The following AUH variants were observed in gnomAD, a reference collection of about 807,000 sequenced individuals.
The protein encoded by AUH is methylglutaconyl-CoA hydratase, mitochondrial.
In AUH, 29 loss-of-function variants were observed where a neutral mutation model predicts 42.3. The observed-to-expected ratio is 0.69, with a 90% CI of 0.51 to 0.93. AUH has a LOEUF of 0.93. Ranked by LOEUF, AUH falls within the 40% of genes least tolerant of loss-of-function variation. The pLI is 0.00. For missense variants in AUH, 452 were observed against 438.1 expected, an observed-to-expected ratio of 1.03 and a Z score of -0.28; for synonymous variants, 174 against 166.4, an observed-to-expected ratio of 1.05 and a Z score of -0.35.
chr9:91,245,064 T>C (rs1252501056), intron 6 of AUH, among the ~76,000 whole-genome samples: 3 of 152,020 alleles, frequency 2.0e-5, no homozygotes, highest in Non-Finnish European at 2.9e-5. Context: ...CAACAATTAG[T>C]TGAATAACCA....
At chr9:91,303,316 T>C (rs562597766) in intron 4 of AUH, among the ~76,000 whole-genome samples, 1 of 152,174 alleles carries the variant, frequency 6.6e-6, no homozygotes, top group African/African-American at 2.4e-5. Context: ...TAAAGGAAAA[T>C]GTTAGTGTCA....
chr9:91,333,614 T>C (rs1460934470), intron 3 of AUH, among the ~76,000 whole-genome samples: 1 of 152,222 alleles, frequency 6.6e-6, no homozygotes, highest in Admixed American at 6.5e-5. Context: ...TATTTACTGC[T>C]AGAGTGAGGC....
chr9:91,334,572 T>G (rs1402572914), intron 3 of AUH, among the ~76,000 whole-genome samples: 2 of 106,728 alleles, frequency 1.9e-5, no homozygotes, highest in Admixed American at 8.5e-5. Flanking sequence ...CTTGCAGATG[T>G]AGACTGTGGG....
At chr9:91,345,200 T>C (rs999423713) in intron 3 of AUH, among the ~76,000 whole-genome samples, 11 of 151,584 alleles carry the variant, frequency 7.3e-5, no homozygotes, top group Non-Finnish European at 1.0e-4. Context: ...GAAAATGTAA[T>C]GGATATATAA....
At chr9:91,273,165 C>T (rs998555113) in intron 6 of AUH, among the ~76,000 whole-genome samples, 3 of 152,140 alleles carry the variant, frequency 2.0e-5, no homozygotes, top group African/African-American at 4.8e-5. Context: ...AAGCCACACC[C>T]GAGAGGCCCA....
intron 6 of AUH, among the ~76,000 whole-genome samples, chr9:91,258,675 T>G (rs1385642360): frequency 1.3e-5 from 2 of 152,238 alleles, no homozygotes; most frequent in African/African-American, 4.8e-5. Flanking sequence ...CATCACTAAA[T>G]ATGCTAACTG....
chr9:91,256,096 T>G (rs916718973), intron 6 of AUH, among the ~76,000 whole-genome samples: 1 of 152,146 alleles, frequency 6.6e-6, no homozygotes, highest in Non-Finnish European at 1.5e-5. Context: ...ATGGAAGTAC[T>G]TGAAATTGCT....
At chr9:91,217,753 C>A (rs1826907559) in intron 7 of AUH, among the ~76,000 whole-genome samples, 1 of 152,198 alleles carries the variant, frequency 6.6e-6, no homozygotes. Context: ...GTTCTGATAT[C>A]ATCTCCTTCA....
Position 91,246,971 on chromosome 9 carries a change from T to C in AUH, c.656-25979A>G, listed in dbSNP as rs115859766. Among the ~76,000 whole-genome samples, 684 of 152,296 alleles carry C rather than the reference T, an allele frequency of 4.5e-3. 5 individuals carry two copies. Among genetic ancestry groups the C allele is most frequent in the African/African-American group, 0.016 (655 of 41,546 alleles). ...CAGCAATGCCTTCCCAGACTTCTTA[T>C]AAAAAGATACCCAAGGCCTTGTTAA... On this transcript the variant is annotated intron_variant, in intron 6 of 9. Transcript: ENST00000375731.
At chr9:91,352,207 G>C (rs538375440) in intron 3 of AUH, among the ~76,000 whole-genome samples, 1 of 152,116 alleles carries the variant, frequency 6.6e-6, no homozygotes, top group African/African-American at 2.4e-5. Flanking sequence ...CACTGGAGGC[G>C]GAAGTTGCAG....
At position 91,214,390 on chromosome 9, in the gene AUH, A is replaced by T. The variant is rs751163025; in HGVS notation, c.978T>A (p.Leu326=). 18 of 1,610,504 alleles carry T rather than the reference A, an allele frequency of 1.1e-5. No individual in the cohort carries two copies. Among genetic ancestry groups the T allele is most frequent in the Non-Finnish European group, 1.4e-5 (17 of 1,178,414 alleles). ...IPTKDRLEGL[L]AFKEKRPPRY... ...GAGGGGGCCTTTTCTCTTTAAAAGC[A>T]AGAAGACCTTCAAGTCTGTCTTTTG... Residue 326 remains leucine, a synonymous_variant, in exon 10 of 10, where the codon CTT becomes CTA. Coordinates refer to ENST00000375731, the MANE Select transcript of AUH (RefSeq NM_001698.3).
chr9:91,332,227 C>T (rs138974565), intron 3 of AUH, among the ~76,000 whole-genome samples: 10 of 152,260 alleles, frequency 6.6e-5, no homozygotes, highest in African/African-American at 1.7e-4. Flanking sequence ...ACAAGCTGGG[C>T]GCGGTGGCTC....
chr9:91,330,875 T>C (rs769858931), intron 3 of AUH, among the ~76,000 whole-genome samples: 5 of 152,180 alleles, frequency 3.3e-5, no homozygotes, highest in Non-Finnish European at 5.9e-5. Flanking sequence ...GTCATAATAA[T>C]TGCCTATGTC....
At chr9:91,359,094 A>G (rs1342844021) in intron 1 of AUH, among the ~76,000 whole-genome samples, 2 of 152,224 alleles carry the variant, frequency 1.3e-5, no homozygotes, top group East Asian at 3.8e-4. Flanking sequence ...AAAACATACA[A>G]AAATCTTCAG....
At chr9:91,244,418 G>A (rs941282759) in intron 6 of AUH, among the ~76,000 whole-genome samples, 2 of 152,196 alleles carry the variant, frequency 1.3e-5, no homozygotes, top group African/African-American at 4.8e-5. Flanking sequence ...ACTTAATGTA[G>A]TCAGTTATAT....
chr9:91,222,742 G>A (rs1052945568), intron 6 of AUH, among the ~76,000 whole-genome samples: 2 of 152,146 alleles, frequency 1.3e-5, no homozygotes, highest in African/African-American at 2.4e-5. Context: ...TCATGGAGCT[G>A]ATGAGAATTT....
At chr9:91,277,870 T>C (rs553182255) in intron 6 of AUH, among the ~76,000 whole-genome samples, 40 of 152,370 alleles carry the variant, frequency 2.6e-4, no homozygotes, top group African/African-American at 8.2e-4. Flanking sequence ...ATATTACTTT[T>C]GTCTTTGAAT....
At chr9:91,225,924 C>A (rs1188567492) in intron 6 of AUH, among the ~76,000 whole-genome samples, 1 of 150,862 alleles carries the variant, frequency 6.6e-6, no homozygotes, top group East Asian at 1.9e-4. Context: ...TGTATATGTG[C>A]CACATTTTCT....
In AUH at chr9:91,361,695, C is replaced by A. The variant is rs1262331154; in HGVS notation, c.195G>T (p.Arg65Ser). Reference protein sequence around the residue: ...VPAAGGPAPKRGYSSEMKTED... With the variant: ...VPAAGGPAPKSGYSSEMKTED... ...CCGTCTTCATCTCAGAGCTGTAGCCCCTTTTCGGGGCGGGACCCCCGGCCG... is the reference window on the plus strand; with the variant it reads ...CCGTCTTCATCTCAGAGCTGTAGCCACTTTTCGGGGCGGGACCCCCGGCCG... The change falls in exon 1 of 10, where the codon AGG (arginine) becomes AGT (serine). Residue 65 changes from arginine to serine, a missense_variant. By Grantham distance (110) the Arg-to-Ser change is moderately radical (BLOSUM62 -1). Transcript: ENST00000375731. The A allele has an allele frequency of 2.6e-6, 4 of 1,565,048 alleles. No individual in the cohort carries two copies. The highest frequency in any genetic ancestry group is 3.5e-6 in the Non-Finnish European group (4 of 1,155,154).
Sources: allele counts gnomAD v4.1 joint callset (sites outside exome capture counted in the v4.1 genomes callset), GRCh38; gene constraint gnomAD v4.1.1; transcripts MANE v1.5; gene names NCBI Gene and HGNC (gene_info 2026-07-23, HGNC 2026-07-21).